UGGT2: variants seen among roughly 807,000 people sequenced by gnomAD.
UGGT2 encodes UDP-glucose:glycoprotein glucosyltransferase 2.
Under a neutral mutation model 192.1 loss-of-function variants are expected in UGGT2, and 180 were observed. That is an observed-to-expected ratio of 0.94 (90% confidence interval 0.83 to 1.06). UGGT2 has a LOEUF of 1.06. Ranked by LOEUF, UGGT2 falls within the 50% of genes least tolerant of loss-of-function variation. UGGT2 has a pLI of 0.00. For synonymous variants in UGGT2, 580 were observed against 591.0 expected, an observed-to-expected ratio of 0.98 and a Z score of 0.27; for missense variants, 1,849 against 1,795.7, an observed-to-expected ratio of 1.03 and a Z score of -0.54.
rs1887381450 is a variant in UGGT2, at chr13:95,837,165, T to A, written c.4322A>T (p.Lys1441Met). The part of the protein sequence containing the change: ...PNNMIYQVAI[K>M]SLPQDWLWCE... ...CCACAGCCAGTCTTGAGGAAGAGAC[T>A]TAATGGCGACTTGGTAAATCATATT... Residue 1441 changes from lysine to methionine, a missense_variant, in exon 37 of 39, where the codon AAG becomes ATG. By Grantham distance (95) the Lys-to-Met change is moderately conservative. Coordinates refer to ENST00000376747, the MANE Select transcript of UGGT2 (RefSeq NM_020121.4). The A allele has an allele frequency of 3.1e-6, 5 of 1,614,028 alleles. No individual in the cohort carries two copies. Among genetic ancestry groups the A allele is most frequent in the Middle Eastern group, 1.7e-4 (1 of 6,058 alleles).
chr13:95,831,904 A>G (rs998816629), intron 38 of UGGT2, among the ~76,000 whole-genome samples: 2 of 151,892 alleles, frequency 1.3e-5, no homozygotes, highest in Non-Finnish European at 2.9e-5. Flanking sequence ...CCCTTTAAAA[A>G]AAGTCATATC....
intron 36 of UGGT2, 30 bp from the exon 37 acceptor site, chr13:95,837,232 G>A (rs202245136): frequency 4.9e-4 from 734 of 1,497,158 alleles, no homozygotes; most frequent in Non-Finnish European, 6.0e-4. Context: ...AATCATAGAC[G>A]TATGAAATTT....
intron 20 of UGGT2, among the ~76,000 whole-genome samples, chr13:95,907,130 CCA>C (rs1278431739): frequency 1.1e-4 from 17 of 152,330 alleles, no homozygotes; most frequent in African/African-American, 3.6e-4. Flanking sequence ...ACGGCAGGTC[CCA>C]CACCCACGGA....
chr13:95,948,181 G>T, intron 13 of UGGT2, 100 bp from the exon 14 acceptor site: 1 of 765,178 alleles, frequency 1.3e-6, no homozygotes, highest in Non-Finnish European at 2.0e-6. Context: ...GAAATTCAAT[G>T]TGTAATTTTT....
intron 36 of UGGT2, among the ~76,000 whole-genome samples, chr13:95,844,666 T>C (rs1406689138): frequency 6.6e-6 from 1 of 152,248 alleles, no homozygotes; most frequent in Non-Finnish European, 1.5e-5. Context: ...TTATTAGTTC[T>C]AGCTTTTTGG....
intron 38 of UGGT2, among the ~76,000 whole-genome samples, chr13:95,815,638 T>A (rs1884801804): frequency 6.6e-6 from 1 of 152,174 alleles, no homozygotes; most frequent in South Asian, 2.1e-4. Context: ...CCAAACTGAT[T>A]TAAAACAAGA....
At chr13:95,854,511 T>C in intron 34 of UGGT2, 36 bp from the exon 35 acceptor site, 8 of 1,515,478 alleles carry the variant, frequency 5.3e-6, no homozygotes, top group African/African-American at 1.4e-5. Flanking sequence ...ATAAAGACTG[T>C]AAAATAACAT....
chr13:95,917,627 A>G (rs2048720327), intron 20 of UGGT2, among the ~76,000 whole-genome samples: 1 of 152,236 alleles, frequency 6.6e-6, no homozygotes, highest in Admixed American at 6.5e-5. Flanking sequence ...CAAGCTGGAT[A>G]AAGAGTGGAG....
At chr13:96,017,665 T>G (rs948470281) in intron 4 of UGGT2, among the ~76,000 whole-genome samples, 1 of 152,218 alleles carries the variant, frequency 6.6e-6, no homozygotes, top group Non-Finnish European at 1.5e-5. Context: ...CCCTTTATAG[T>G]ACAATAAATG....
chr13:95,924,413 T>TTTTTTTTTTTTTTTTTTTTTC (rs2048952784), intron 20 of UGGT2, among the ~76,000 whole-genome samples: 1 of 134,946 alleles, frequency 7.4e-6, no homozygotes, highest in Non-Finnish European at 1.5e-5. Context: ...TTTTTTTTTT[T>TTTTTTTTTTTTTTTTTTTTTC]TTTTTTTTTT....
At chr13:96,040,644 T>C (rs895315902) in intron 1 of UGGT2, among the ~76,000 whole-genome samples, 15 of 152,174 alleles carry the variant, frequency 9.9e-5, no homozygotes, top group Non-Finnish European at 1.5e-4. Context: ...AAGTATTAAG[T>C]TGCAAATACT....
intron 7 of UGGT2, among the ~76,000 whole-genome samples, chr13:95,995,542 T>C (rs2051591483): frequency 6.6e-6 from 1 of 152,048 alleles, no homozygotes; most frequent in Admixed American, 6.5e-5. Flanking sequence ...AAGAAGCACA[T>C]ATACTTTATC....
chr13:96,010,041 C>T (rs539606478), intron 5 of UGGT2, among the ~76,000 whole-genome samples: 13 of 152,106 alleles, frequency 8.5e-5, no homozygotes, highest in Admixed American at 6.5e-4. Flanking sequence ...CATACACTGC[C>T]GGTGGTACTG....
At chr13:95,906,058 C>T (rs574856538) in intron 20 of UGGT2, among the ~76,000 whole-genome samples, 10 of 152,208 alleles carry the variant, frequency 6.6e-5, no homozygotes, top group South Asian at 2.1e-4. Context: ...TTTTCAATTA[C>T]GTAGTTTTAT....
At position 95,825,797 on chromosome 13, in the gene UGGT2, A is replaced by G. The variant is rs1377039299; in HGVS notation, c.4528+7130T>C. Among the ~76,000 whole-genome samples the G allele has an allele frequency of 2.0e-5, 3 of 152,144 alleles. No individual in the cohort carries two copies. The East Asian group carries it at 5.8e-4, about 29-fold the overall frequency. ...ACTGCAATTATGTCTCTGCTGAAAG[A>G]AACTCCCACCAGCAGAAAGATCTGG... On this transcript the variant is annotated intron_variant, in intron 38 of 38. Coordinates refer to ENST00000376747, the MANE Select transcript of UGGT2 (RefSeq NM_020121.4).
At chr13:95,917,019 C>T (rs1400416743) in intron 20 of UGGT2, among the ~76,000 whole-genome samples, 1 of 152,086 alleles carries the variant, frequency 6.6e-6, no homozygotes, top group East Asian at 1.9e-4. Flanking sequence ...CAGGAAAAGA[C>T]AACATTTAAA....
intron 3 of UGGT2, 79 bp from the exon 4 acceptor site, chr13:96,023,231 A>G (rs921229118): frequency 4.1e-6 from 5 of 1,214,850 alleles, no homozygotes; most frequent in Non-Finnish European, 5.6e-6. Context: ...CATTACTTTG[A>G]TTAAAATAAC....
chr13:96,050,863 G>A (rs537225310), intron 1 of UGGT2, among the ~76,000 whole-genome samples: 71 of 152,190 alleles, frequency 4.7e-4, no homozygotes, highest in African/African-American at 1.3e-3. Flanking sequence ...GAGAAATAGG[G>A]ACACTTTTAC....
intron 5 of UGGT2, among the ~76,000 whole-genome samples, chr13:95,999,733 T>C (rs2051738177): frequency 6.6e-6 from 1 of 150,828 alleles, no homozygotes; most frequent in Non-Finnish European, 1.5e-5. Flanking sequence ...AGGACTAGAG[T>C]GCTGCCAAAA....
Sources: allele counts gnomAD v4.1 joint callset (sites outside exome capture counted in the v4.1 genomes callset), GRCh38; gene constraint gnomAD v4.1.1; transcripts MANE v1.5; gene names NCBI Gene and HGNC (gene_info 2026-07-23, HGNC 2026-07-21).